The following GAPVD1 variants were observed in gnomAD, a reference collection of about 807,000 sequenced individuals.
GAPVD1 encodes GTPase-activating protein and VPS9 domain-containing protein 1.
GAPVD1 carries 35 observed loss-of-function variants against 155.5 expected under a neutral mutation model. That is an observed-to-expected ratio of 0.23 (90% confidence interval 0.17 to 0.30). The LOEUF (loss-of-function observed/expected upper bound fraction) is 0.30. GAPVD1 is among the 10% of genes least tolerant of loss of function. The probability of loss-of-function intolerance (pLI) is 1.00; values close to 1 mark genes in which losing one functional copy is unlikely to be tolerated. For synonymous variants in GAPVD1, 636 were observed against 619.7 expected (o/e 1.03, Z -0.39); for missense variants, 1,429 against 1,775.7 (o/e 0.80, Z 3.51).
chr9:125,345,627 A>C (rs947084135), intron 19 of GAPVD1, among the ~76,000 whole-genome samples: 1 of 152,238 alleles, frequency 6.6e-6, no homozygotes, highest in Non-Finnish European at 1.5e-5. Flanking sequence ...TCATGAGAAC[A>C]AAAGAAGAGC....
chr9:125,327,731 T>A (rs1845405956), intron 12 of GAPVD1, among the ~76,000 whole-genome samples: 2 of 152,216 alleles, frequency 1.3e-5, no homozygotes, highest in South Asian at 4.1e-4. Flanking sequence ...CTCGAACTCC[T>A]GACCTCAAGT....
At position 125,363,263 on chromosome 9, in the gene GAPVD1, A is replaced by G. The variant is rs965571446; in HGVS notation, c.*517A>G. The G allele has an allele frequency of 1.3e-5, 2 of 152,070 alleles. No homozygotes were observed. The highest frequency in any genetic ancestry group is 4.8e-5 in the African/African-American group (2 of 41,420). 9.4% of individuals were successfully genotyped at this position (152,070 alleles called of 1,614,324 possible). A position where few individuals can be genotyped will look rare whatever the true frequency, so the allele number is the denominator to read the frequency against. On this transcript the variant is annotated 3_prime_UTR_variant, in exon 28 of 28. Transcript: ENST00000297933. ...AAGCTAAGAAGGAAATGTAAATATA[A>G]TATATATTTATATTTGATGTAATAT...
intron 1 of GAPVD1, chr9:125,263,834 G>T (rs1424163954): frequency 9.4e-6 from 11 of 1,165,950 alleles, no homozygotes; most frequent in Non-Finnish European, 1.4e-5. Flanking sequence ...AGGGTAGCAG[G>T]TACAGTCTCC....
intron 9 of GAPVD1, among the ~76,000 whole-genome samples, chr9:125,313,821 G>A (rs972897547): frequency 6.6e-6 from 1 of 152,154 alleles, no homozygotes; most frequent in Non-Finnish European, 1.5e-5. Context: ...GACTGGTCTC[G>A]AACTTCTGAC....
At chr9:125,292,685 C>A (rs779719257) in intron 2 of GAPVD1, among the ~76,000 whole-genome samples, 3 of 151,722 alleles carry the variant, frequency 2.0e-5, no homozygotes, top group Admixed American at 1.3e-4. Context: ...CCACCACGCC[C>A]GGCTGGTCCA....
intron 23 of GAPVD1, among the ~76,000 whole-genome samples, chr9:125,353,091 G>C (rs913951821): frequency 6.6e-6 from 1 of 151,132 alleles, no homozygotes; most frequent in African/African-American, 2.4e-5. Flanking sequence ...TGGGCAACAA[G>C]AGTGAAACTC....
At chr9:125,345,177 CTCTT>C (rs572001654) in intron 19 of GAPVD1, among the ~76,000 whole-genome samples, 171 of 151,200 alleles carry the variant, frequency 1.1e-3, no homozygotes, top group Non-Finnish European at 1.9e-3. Flanking sequence ...TTTTCTCTCT[CTCTT>C]TTTTTTTTTT....
At chr9:125,330,315 CA>C in intron 13 of GAPVD1, 97 bp downstream of exon 13, 4 of 690,000 alleles carry the variant, frequency 5.8e-6, no homozygotes, top group Admixed American at 3.5e-5. Flanking sequence ...TTGTCAAATA[CA>C]CTTTTTTTTT....
At chr9:125,288,819 A>AATAAG (rs1838138780) in intron 2 of GAPVD1, among the ~76,000 whole-genome samples, 2 of 152,254 alleles carry the variant, frequency 1.3e-5, no homozygotes, top group African/African-American at 4.8e-5. Flanking sequence ...GAGATGGTCA[A>AATAAG]TACATGAGAT....
chr9:125,293,889 T>A (rs1464519004), intron 2 of GAPVD1, among the ~76,000 whole-genome samples: 2 of 91,512 alleles, frequency 2.2e-5, no homozygotes, highest in African/African-American at 8.3e-5. Flanking sequence ...TATATATATA[T>A]ATATATATAT....
At chr9:125,315,219 CCCATAGGGAAG>C (rs1451882309) in intron 9 of GAPVD1, among the ~76,000 whole-genome samples, 1 of 152,044 alleles carries the variant, frequency 6.6e-6, no homozygotes, top group Non-Finnish European at 1.5e-5. Flanking sequence ...GACATGATAC[CCCATAGGGAAG>C]AAGACCAACA....
intron 2 of GAPVD1, among the ~76,000 whole-genome samples, chr9:125,270,750 C>T (rs1055322527): frequency 5.3e-5 from 8 of 152,110 alleles, no homozygotes; most frequent in Admixed American, 1.3e-4. Context: ...TTGAGACCAG[C>T]GTGACCAACA....
rs1444023902 is a variant in GAPVD1, at chr9:125,352,766, T to C, written c.3570-1888T>C. ...AAATGGGATTTTGTTTTCTATCGCA[T>C]TGTCAGGCTGCAAAGTTTCTGAACG... On this transcript the variant is annotated intron_variant, in intron 23 of 27. Coordinates refer to ENST00000297933, the MANE Select transcript of GAPVD1 (RefSeq NM_001282680.3). 3.3e-5 allele frequency among the ~76,000 whole-genome samples: 5 copies of C among 152,222 alleles called. No individual in the cohort carries two copies. The East Asian group carries it at 7.7e-4, about 23-fold the overall frequency.
chr9:125,284,508 C>T (rs920869278), intron 2 of GAPVD1, among the ~76,000 whole-genome samples: 4 of 151,208 alleles, frequency 2.6e-5, no homozygotes, highest in Non-Finnish European at 5.9e-5. Flanking sequence ...GACAGGGTCT[C>T]GTTATGTTGC....
In GAPVD1 at chr9:125,337,520, G is replaced by C; in HGVS notation, c.2806G>C (p.Gly936Arg). Reference protein sequence around the residue: ...ERELPPAAAIGATSLVAAPHS... With the variant: ...ERELPPAAAIRATSLVAAPHS... ...AGAACTCCCTCCAGCTGCAGCCATT[G>C]GTGCTACTTCTTTGGTGGCTGCACC... Residue 936 changes from glycine to arginine, a missense_variant, in exon 17 of 28, where the codon GGT (glycine) becomes CGT (arginine). This residue lies in a region of GAPVD1 where 699 missense variants were observed against 826.0 expected (regional missense o/e 0.85). Transcript: ENST00000297933. 3 of 1,614,052 alleles carry C rather than the reference G, an allele frequency of 1.9e-6. No homozygotes were observed. Among genetic ancestry groups the C allele is most frequent in the Non-Finnish European group, 2.5e-6 (3 of 1,179,910 alleles).
At chr9:125,262,158 G>A (rs1021403503) in intron 1 of GAPVD1, among the ~76,000 whole-genome samples, 199 bp downstream of exon 1, 4 of 152,154 alleles carry the variant, frequency 2.6e-5, no homozygotes, top group Non-Finnish European at 2.9e-5. Flanking sequence ...GGGGAGAGAT[G>A]TGGCGGCGCG....
chr9:125,307,268 C>CAAAA (rs34896429), intron 6 of GAPVD1, 145 bp from the exon 7 acceptor site: 104 of 453,682 alleles, frequency 2.3e-4, no homozygotes, highest in African/African-American at 2.1e-3. Context: ...AACTTTGTCT[C>CAAAA]AAAAAAAAAA....
At chr9:125,273,882 A>T (rs901739448) in intron 2 of GAPVD1, among the ~76,000 whole-genome samples, 1 of 152,020 alleles carries the variant, frequency 6.6e-6, no homozygotes, top group African/African-American at 2.4e-5. Flanking sequence ...CTGTCATGGC[A>T]CAGAGGTTTC....
intron 8 of GAPVD1, among the ~76,000 whole-genome samples, chr9:125,311,743 G>A (rs1034054789): frequency 2.7e-5 from 4 of 147,728 alleles, no homozygotes; most frequent in African/African-American, 1.0e-4. Context: ...TTTTTGAGAT[G>A]GAGTCTCACT....
Sources: gnomAD v4.1 joint callset for allele counts (sites outside exome capture counted in the v4.1 genomes callset) on GRCh38, gnomAD v4.1.1 for gene constraint, gnomAD v4.1.1 regional missense constraint, MANE v1.5 for transcripts, NCBI Gene and HGNC (gene_info 2026-07-23, HGNC 2026-07-21) for gene names.